MARCHF5: variants seen among roughly 807,000 people sequenced by gnomAD.
MARCHF5 encodes E3 ubiquitin-protein ligase MARCHF5.
A neutral mutation model predicts 36.5 loss-of-function variants in MARCHF5; 5 were observed. The ratio of observed to expected loss-of-function variants is 0.14; its 90% CI spans 0.07 to 0.29. The LOEUF is 0.29. Among genes scored for constraint, MARCHF5 ranks in the 10% least tolerant of loss-of-function variants. The pLI, the probability that MARCHF5 is intolerant of heterozygous loss-of-function variation, is 1.00. For missense variants in MARCHF5, 179 were observed against 336.3 expected (o/e 0.53, Z 3.66); for synonymous variants, 103 against 109.9 (o/e 0.94, Z 0.39).
intron 1 of MARCHF5, among the ~76,000 whole-genome samples, chr10:92,302,885 A>G (rs972354958): frequency 6.6e-6 from 1 of 152,220 alleles, no homozygotes; most frequent in Non-Finnish European, 1.5e-5. Flanking sequence ...GGCACCATAT[A>G]TAATACAACA....
chr10:92,342,507 A>T (rs929325115), intron 3 of MARCHF5, among the ~76,000 whole-genome samples: 1 of 151,962 alleles, frequency 6.6e-6, no homozygotes, highest in Non-Finnish European at 1.5e-5. Flanking sequence ...CAGTTTTTCC[A>T]CTTTGATGTG....
intron 2 of MARCHF5, among the ~76,000 whole-genome samples, chr10:92,314,095 C>T (rs1281798268): frequency 6.6e-6 from 1 of 152,080 alleles, no homozygotes; most frequent in Non-Finnish European, 1.5e-5. Context: ...GTTGTAAGTC[C>T]TAGCTACTCG....
intron 1 of MARCHF5, chr10:92,308,441 C>A (rs2135184097): frequency 6.6e-6 from 1 of 152,190 alleles, no homozygotes; most frequent in East Asian, 1.9e-4. Flanking sequence ...TTTGTGCTGA[C>A]CTCATATATC....
chr10:92,316,351 A>C (rs1342223609), intron 2 of MARCHF5, among the ~76,000 whole-genome samples: 1 of 152,134 alleles, frequency 6.6e-6, no homozygotes, highest in Non-Finnish European at 1.5e-5. Flanking sequence ...TCAGAGTTTT[A>C]TCCTTCTCAC....
At chr10:92,322,927 G>A (rs533799704) in intron 2 of MARCHF5, among the ~76,000 whole-genome samples, 5 of 151,442 alleles carry the variant, frequency 3.3e-5, no homozygotes, top group Admixed American at 6.6e-5. Flanking sequence ...TAGTAGAGAC[G>A]GGGTTTCACC....
At chr10:92,346,275 C>T (rs922389245) in intron 3 of MARCHF5, among the ~76,000 whole-genome samples, 12 of 152,068 alleles carry the variant, frequency 7.9e-5, no homozygotes, top group Non-Finnish European at 1.5e-4. Context: ...TATTTGCACA[C>T]TTGTTTGGTT....
At chr10:92,293,599 T>A (rs1241067866) in intron 1 of MARCHF5, among the ~76,000 whole-genome samples, 1 of 150,068 alleles carries the variant, frequency 6.7e-6, no homozygotes, top group Non-Finnish European at 1.5e-5. Flanking sequence ...GGTGAAACCC[T>A]GTCTCTACTA....
rs1198709906 is a variant in MARCHF5, at chr10:92,291,477, G to C, written c.-18G>C. On this transcript the variant is annotated 5_prime_UTR_variant, in exon 1 of 6. Coordinates refer to ENST00000358935, the MANE Select transcript of MARCHF5 (RefSeq NM_017824.5). ...GCGGGTCCACTGGGGAAGGCCGTGT[G>C]CGCCGGCTCCGCGGAAGATGCCGGA... 1 of 1,546,866 alleles carries C rather than the reference G, an allele frequency of 6.5e-7. No homozygotes were observed. The highest frequency in any genetic ancestry group is 8.7e-7 in the Non-Finnish European group (1 of 1,144,024).
At position 92,340,823 on chromosome 10, in the gene MARCHF5, T is replaced by C. The variant is rs756421587; in HGVS notation, c.369+20T>C. 1.9e-6 allele frequency: 3 copies of C among 1,571,718 alleles called. No homozygotes were observed. The highest frequency in any genetic ancestry group is 3.8e-5 in the Admixed American group (2 of 52,654). ...ATGCAGGTTCACTATTTTACCTATA[T>C]AGTGATATTACTTGGTGTGAAGATC... is the stretch of plus-strand genomic sequence containing the variant. On this transcript the variant is annotated intron_variant, in intron 3 of 5. Transcript: ENST00000358935.
At chr10:92,306,937 C>T (rs1843080072) in intron 1 of MARCHF5, among the ~76,000 whole-genome samples, 1 of 152,064 alleles carries the variant, frequency 6.6e-6, no homozygotes, top group Non-Finnish European at 1.5e-5. Flanking sequence ...TCACTTGAAC[C>T]CAGGAGGCAG....
chr10:92,309,785 A>T (rs947264938), intron 1 of MARCHF5, among the ~76,000 whole-genome samples: 1 of 152,222 alleles, frequency 6.6e-6, no homozygotes, highest in Non-Finnish European at 1.5e-5. Flanking sequence ...CACCTAAAAA[A>T]TGGCTAAAAT....
At chr10:92,329,746 A>G (rs1332027786) in intron 2 of MARCHF5, among the ~76,000 whole-genome samples, 3 of 152,216 alleles carry the variant, frequency 2.0e-5, no homozygotes, top group Non-Finnish European at 2.9e-5. Flanking sequence ...AGAAGTTCCT[A>G]TGTATGATCA....
rs1564950960 is a variant in MARCHF5, at chr10:92,331,869, TTATATATAATCATATATA to T, written c.239-8802_239-8785del. Among the ~76,000 whole-genome samples the T allele has an allele frequency of 3.6e-5, 5 of 138,424 alleles. 1 individual carries two copies. The highest frequency in any genetic ancestry group is 1.3e-4 in the African/African-American group (5 of 37,396). The allele number at this position is 138,424 out of a possible 152,430, so 90.8% of individuals were successfully genotyped here. A position where few individuals can be genotyped will look rare whatever the true frequency, so the allele number is the denominator to read the frequency against. On this transcript the variant is annotated intron_variant, in intron 2 of 5. Transcript: ENST00000358935. ...TTCATATATAATCATATATATGTTT[TTATATATAATCATATATA>T]TGTATATATAATCATATATATGTAT...
At chr10:92,349,595 C>A in intron 4 of MARCHF5, 63 bp downstream of exon 4, 19 of 1,592,212 alleles carry the variant, frequency 1.2e-5, no homozygotes, top group Non-Finnish European at 1.6e-5. Context: ...CAATAACATG[C>A]TTTTTTAGCC....
intron 3 of MARCHF5, among the ~76,000 whole-genome samples, chr10:92,344,617 A>G (rs1843619366): frequency 1.3e-5 from 2 of 152,196 alleles, no homozygotes; most frequent in Admixed American, 1.3e-4. Flanking sequence ...CTACACCATC[A>G]GTAGTATTTA....
intron 2 of MARCHF5, among the ~76,000 whole-genome samples, chr10:92,328,706 T>C (rs944467138): frequency 1.3e-5 from 2 of 151,458 alleles, no homozygotes; most frequent in Non-Finnish European, 2.9e-5. Context: ...TGGGCTTTGT[T>C]ATGCTGATAC....
At chr10:92,329,927 C>T (rs1022870720) in intron 2 of MARCHF5, among the ~76,000 whole-genome samples, 8 of 152,168 alleles carry the variant, frequency 5.3e-5, no homozygotes, top group Non-Finnish European at 8.8e-5. Context: ...CTCACTGTAA[C>T]CTCCGCCTCC....
At chr10:92,297,423 G>A (rs1029073963) in intron 1 of MARCHF5, among the ~76,000 whole-genome samples, 17 of 150,672 alleles carry the variant, frequency 1.1e-4, no homozygotes, top group African/African-American at 3.9e-4. Context: ...GCTCGCCTCG[G>A]CCTCCCAAAG....
intron 3 of MARCHF5, among the ~76,000 whole-genome samples, chr10:92,343,542 AG>A (rs1843605129): frequency 6.6e-6 from 1 of 152,090 alleles, no homozygotes; most frequent in Non-Finnish European, 1.5e-5. Context: ...AACACATTAA[AG>A]GGTTTCATAA....
Sources: gnomAD v4.1 joint callset for allele counts (sites outside exome capture counted in the v4.1 genomes callset) on GRCh38, gnomAD v4.1.1 for gene constraint, MANE v1.5 for transcripts, NCBI Gene and HGNC (gene_info 2026-07-23, HGNC 2026-07-21) for gene names.